ZC3H14: variants seen among roughly 807,000 people sequenced by gnomAD.
The protein encoded by ZC3H14 is zinc finger CCCH-type containing 14.
ZC3H14 carries 31 observed loss-of-function variants against 92.4 expected under a neutral mutation model. That is an observed-to-expected ratio of 0.34 (90% CI 0.25 to 0.45). The LOEUF is 0.45. Ranked by LOEUF, ZC3H14 falls within the 20% of genes least tolerant of loss-of-function variation. The pLI is 1.00. For missense variants in ZC3H14, 781 were observed against 897.3 expected, an observed-to-expected ratio of 0.87 and a Z score of 1.66; for synonymous variants, 321 against 300.9, an observed-to-expected ratio of 1.07 and a Z score of -0.69.
intron 9 of ZC3H14, chr14:88,595,061 C>G (rs1566951953): frequency 1.2e-6 from 2 of 1,613,260 alleles, no homozygotes; most frequent in Admixed American, 3.3e-5. Context: ...GAATCACAGT[C>G]AAGAACTACT....
chr14:88,573,773 G>C (rs147993390), intron 6 of ZC3H14: 1 of 152,228 alleles, frequency 6.6e-6, no homozygotes, highest in Non-Finnish European at 1.5e-5. Flanking sequence ...GTACTACCAC[G>C]ACCAGCTAAT....
chr14:88,563,720 T>TA (rs765681091), intron 2 of ZC3H14, 27 bp downstream of exon 2: 1 of 1,606,534 alleles, frequency 6.2e-7, no homozygotes, highest in African/African-American at 1.3e-5. Flanking sequence ...TTGTTAGTCT[T>TA]ACAGAATTTA....
rs2080575066 is a variant in ZC3H14 at position 88,572,564 on chromosome 14, G to T, written c.432-14G>T. 3 of 1,613,796 alleles carry T rather than the reference G, an allele frequency of 1.9e-6. No individual in the cohort carries two copies. Among genetic ancestry groups the T allele is most frequent in the Middle Eastern group, 1.6e-4 (1 of 6,084 alleles). ...TAATTTGGCTGTAATACATTTTGTT[G>T]TTCTTTTAAATAGACAGACTTACGA... On this transcript the variant is annotated splice_polypyrimidine_tract_variant and intron_variant, in intron 5 of 16. Transcript: ENST00000251038.
At chr14:88,608,924 A>G (rs1467270397) in intron 13 of ZC3H14, 1 of 287,550 alleles carries the variant, frequency 3.5e-6, no homozygotes, top group African/African-American at 2.3e-5. Flanking sequence ...GTCTTTTTGT[A>G]TCACAAAGCC....
At chr14:88,608,313 T>C (rs2085947707) in intron 13 of ZC3H14, 2 of 477,468 alleles carry the variant, frequency 4.2e-6, no homozygotes, top group Non-Finnish European at 8.3e-6. Context: ...TGCAAGTGAA[T>C]ACCATCCCCA....
At position 88,625,158 on chromosome 14, in the gene ZC3H14, C is replaced by T; in HGVS notation, c.*13407C>T. ...AAGGAGTGGGGGAGGGGGAGACAAACTCATCAAAAGTTCAAATAGAGTTTA... is the reference window on the plus strand; with the variant it reads ...AAGGAGTGGGGGAGGGGGAGACAAATTCATCAAAAGTTCAAATAGAGTTTA... On this transcript the variant is annotated 3_prime_UTR_variant, in exon 17 of 17. Coordinates refer to ENST00000251038, the MANE Select transcript of ZC3H14 (RefSeq NM_024824.5). 1.2e-6 allele frequency: 2 copies of T among 1,609,962 alleles called. No homozygotes were observed. The highest frequency in any genetic ancestry group is 2.7e-5 in the African/African-American group (2 of 74,912).
Position 88,618,991 on chromosome 14 carries a change from A to G in ZC3H14, c.*7240A>G. The stretch of plus-strand genomic sequence containing the variant: ...ATTGTCTGGGTTACATGAAATAAGG[A>G]AGCTTTATATTTTACTTAAATTTTA... On this transcript the variant is annotated 3_prime_UTR_variant, in exon 17 of 17. Transcript: ENST00000251038. 4.1e-6 allele frequency: 2 copies of G among 485,898 alleles called. No homozygotes were observed. Among genetic ancestry groups the G allele is most frequent in the South Asian group, 6.0e-5 (1 of 16,798 alleles). The allele number at this position is 485,898 out of a possible 1,614,324, so 30.1% of individuals were successfully genotyped here.
At position 88,620,330 on chromosome 14, in the gene ZC3H14, A is replaced by G. The variant is rs1246314535; in HGVS notation, c.*8579A>G. ...AATTTGGATTCTGGAACATTTAATC[A>G]ATAGGTATTGATTAAATTAATGAAC... On this transcript the variant is annotated 3_prime_UTR_variant, in exon 17 of 17. Coordinates refer to ENST00000251038, the MANE Select transcript of ZC3H14 (RefSeq NM_024824.5). The surrounding 1 kb of genome is among the most constrained non-coding windows in gnomAD (Gnocchi z 4.3). 1 of 154,314 alleles carries G rather than the reference A, an allele frequency of 6.5e-6. No individual in the cohort carries two copies. The highest frequency in any genetic ancestry group is 2.4e-5 in the African/African-American group (1 of 41,558). 9.6% of individuals were successfully genotyped at this position (154,314 alleles called of 1,614,324 possible). A position where few individuals can be genotyped will look rare whatever the true frequency, so the allele number is the denominator to read the frequency against.
In ZC3H14 at chr14:88,607,339, A is replaced by G; in HGVS notation, c.1844A>G (p.Tyr615Cys). 2 of 1,613,710 alleles carry G rather than the reference A, an allele frequency of 1.2e-6. No individual in the cohort carries two copies. The highest frequency in any genetic ancestry group is 1.7e-6 in the Non-Finnish European group (2 of 1,179,860). The change falls in exon 13 of 17, where the codon TAC (tyrosine) becomes TGC (cysteine). Residue 615 changes from tyrosine (Y) to cysteine (C), a missense_variant. Tyr to Cys is a radical substitution (Grantham distance 194). Around this residue, in one of 3 missense-constraint regions of ZC3H14, gnomAD observed 221 missense variants for 304.7 expected, o/e 0.73. Transcript: ENST00000251038. Reference sequence around the variant, plus strand: ...TGTAAAAATGGGGATGAGTGTGCCTACCATCACCCCATCTCACCCTGCAAG... The same window carrying G: ...TGTAAAAATGGGGATGAGTGTGCCTGCCATCACCCCATCTCACCCTGCAAG... Reference protein sequence around the residue: ...PACKNGDECAYHHPISPCKAF... With the variant: ...PACKNGDECACHHPISPCKAF...
chr14:88,597,711 C>G (rs974842992), intron 10 of ZC3H14, among the ~76,000 whole-genome samples: 8 of 152,176 alleles, frequency 5.3e-5, no homozygotes, highest in Non-Finnish European at 1.0e-4. Context: ...ATTCTCTGCC[C>G]GTGATTTTGC....
chr14:88,623,930 T>C lies in ZC3H14; in HGVS notation c.*12179T>C, dbSNP rs1245502236. Reference sequence around the variant, plus strand: ...ATTCCTTCCTTTTCTGCTAGATGAATTGCTTGTCTGAAAGCATGCCTATGT... The same window carrying C: ...ATTCCTTCCTTTTCTGCTAGATGAACTGCTTGTCTGAAAGCATGCCTATGT... On this transcript the variant is annotated 3_prime_UTR_variant, in exon 17 of 17. Coordinates refer to ENST00000251038, the MANE Select transcript of ZC3H14 (RefSeq NM_024824.5). The C allele has an allele frequency of 7.2e-5, 11 of 152,198 alleles. No homozygotes were observed. Among genetic ancestry groups the C allele is most frequent in the Non-Finnish European group, 1.0e-4 (7 of 68,040 alleles). The allele number at this position is 152,198 out of a possible 1,614,324, so 9.4% of individuals were successfully genotyped here. A position where few individuals can be genotyped will look rare whatever the true frequency, so the allele number is the denominator to read the frequency against.
At chr14:88,563,975 C>T (rs569976368) in intron 2 of ZC3H14, among the ~76,000 whole-genome samples, 1 of 152,156 alleles carries the variant, frequency 6.6e-6, no homozygotes, top group East Asian at 1.9e-4. Flanking sequence ...CTCTCTCTCT[C>T]ATTTTAAATT....
rs1336832344 is a variant in ZC3H14 at position 88,563,570 on chromosome 14, G to A, written c.37-81G>A. ...GATCCGAGGTGCGCGCACCAGCAAAGTGGCCTCAGCCGCTGCAGAGTCCGG... is the reference window on the plus strand; with the variant it reads ...GATCCGAGGTGCGCGCACCAGCAAAATGGCCTCAGCCGCTGCAGAGTCCGG... On this transcript the variant is annotated intron_variant, in intron 1 of 16. Coordinates refer to ENST00000251038, the MANE Select transcript of ZC3H14 (RefSeq NM_024824.5). 6 of 1,593,020 alleles carry A rather than the reference G, an allele frequency of 3.8e-6. No individual in the cohort carries two copies. The Admixed American group carries it at 8.3e-5, about 22-fold the overall frequency.
chr14:88,609,420 GCTA>G lies in ZC3H14; in HGVS notation c.2005+22_2005+24del, dbSNP rs752346418. 118 of 1,613,814 alleles carry G rather than the reference GCTA, an allele frequency of 7.3e-5. 1 individual carries two copies. The African/African-American group carries it at 1.4e-3, about 20-fold the overall frequency. Reference sequence around the variant, plus strand: ...CAAAACCAGGTGAGTGAGTGACTGTGCTACTACATTTGGGTAAAAAATATAAAA... The same window carrying G: ...CAAAACCAGGTGAGTGAGTGACTGTGCTACATTTGGGTAAAAAATATAAAA... On this transcript the variant is annotated intron_variant, in intron 14 of 16. Transcript: ENST00000251038.
intron 10 of ZC3H14, among the ~76,000 whole-genome samples, chr14:88,597,469 CTT>C (rs956181304): frequency 2.6e-5 from 4 of 152,208 alleles, no homozygotes; most frequent in African/African-American, 9.7e-5. Flanking sequence ...CTAAGTCTGT[CTT>C]TTGTGGGAAG....
chr14:88,621,524 G>C lies in ZC3H14; in HGVS notation c.*9773G>C, dbSNP rs1036403134. ...ATTACATATTAGAGTCCATGCTACA[G>C]AATAGAACTTTTCTGTGGCAGTACA... is the stretch of plus-strand genomic sequence containing the variant. On this transcript the variant is annotated 3_prime_UTR_variant, in exon 17 of 17. Coordinates refer to ENST00000251038, the MANE Select transcript of ZC3H14 (RefSeq NM_024824.5). 9 of 563,970 alleles carry C rather than the reference G, an allele frequency of 1.6e-5. No individual in the cohort carries two copies. The East Asian group carries it at 2.6e-4, about 17-fold the overall frequency. The allele number at this position is 563,970 out of a possible 1,614,324, so 34.9% of individuals were successfully genotyped here.
chr14:88,596,013 G>GA (rs1447012768), intron 9 of ZC3H14, among the ~76,000 whole-genome samples: 2 of 152,260 alleles, frequency 1.3e-5, no homozygotes, highest in South Asian at 2.1e-4. Flanking sequence ...ATCGAGGATG[G>GA]AAAAAAATCA....
In ZC3H14 at chr14:88,621,439, G is replaced by A. The variant is rs2088913627; in HGVS notation, c.*9688G>A. 1.1e-6 allele frequency: 1 copy of A among 920,496 alleles called. No homozygotes were observed. The highest frequency in any genetic ancestry group is 1.7e-6 in the Non-Finnish European group (1 of 598,336). 57.0% of individuals were successfully genotyped at this position (920,496 alleles called of 1,614,324 possible). ...TAATCTAGTAGCAAGGCAGTCATTA[G>A]CTCATGCAAATTTTTCTATGACTAC... On this transcript the variant is annotated 3_prime_UTR_variant, in exon 17 of 17. Coordinates refer to ENST00000251038, the MANE Select transcript of ZC3H14 (RefSeq NM_024824.5).
intron 2 of ZC3H14, chr14:88,567,803 A>G (rs2079897161): frequency 1.8e-6 from 1 of 553,428 alleles, no homozygotes; most frequent in Non-Finnish European, 3.4e-6. Flanking sequence ...TGACCCTATA[A>G]TTCAGAATGT....
Sources: gnomAD v4.1 joint callset for allele counts (sites outside exome capture counted in the v4.1 genomes callset) on GRCh38, gnomAD v4.1.1 for gene constraint, gnomAD v4.1.1 regional missense constraint, Gnocchi (gnomAD v3.1) non-coding constraint, MANE v1.5 for transcripts, NCBI Gene and HGNC (gene_info 2026-07-23, HGNC 2026-07-21) for gene names.